THADA: variants seen among roughly 807,000 people sequenced by gnomAD.
The protein encoded by THADA is THADA armadillo repeat containing, also known as tRNA (32-2'-O)-methyltransferase regulator THADA.
In THADA, 213 loss-of-function variants were observed where a neutral mutation model predicts 219.8. That is an observed-to-expected ratio of 0.97 (90% CI 0.87 to 1.09). THADA has a LOEUF of 1.09. Among genes scored for constraint, THADA ranks in the 50% least tolerant of loss-of-function variants. THADA has a pLI of 0.00. For missense variants in THADA, 2,956 were observed against 2,311.3 expected, an observed-to-expected ratio of 1.28 and a Z score of -5.72; for synonymous variants, 1,018 against 828.9, an observed-to-expected ratio of 1.23 and a Z score of -3.92.
At chr2:43,388,132 T>A (rs527567690) in intron 29 of THADA, among the ~76,000 whole-genome samples, 1 of 152,318 alleles carries the variant, frequency 6.6e-6, no homozygotes, top group South Asian at 2.1e-4. Context: ...AGGTCTTACT[T>A]TTGGCCTATT....
chr2:43,580,468 A>T (rs1361400405), intron 8 of THADA, among the ~76,000 whole-genome samples: 1 of 151,828 alleles, frequency 6.6e-6, no homozygotes, highest in Non-Finnish European at 1.5e-5. Context: ...TTATGTCTTA[A>T]TAAAAGTAAC....
intron 22 of THADA, among the ~76,000 whole-genome samples, chr2:43,517,731 A>G (rs992725536): frequency 2.0e-5 from 3 of 152,176 alleles, no homozygotes; most frequent in South Asian, 4.1e-4. Context: ...ACTAGGGTCC[A>G]TAAATATTAA....
chr2:43,279,801 T>C lies in THADA; in HGVS notation c.5260A>G (p.Thr1754Ala). 2 of 1,553,130 alleles carry C rather than the reference T, an allele frequency of 1.3e-6. No individual in the cohort carries two copies. The highest frequency in any genetic ancestry group is 1.7e-6 in the Non-Finnish European group (2 of 1,147,936). The change falls in exon 36 of 38, where the codon ACT becomes GCT. Residue 1754 changes from threonine (T) to alanine (A), a missense_variant. Thr to Ala is a moderately conservative substitution (Grantham distance 58). Transcript: ENST00000405975. ...CAGGTATTTTCTTGTGACATGGCAG[T>C]TGTCACGGTTTCCGTGGCTGCATCT... The part of the protein sequence containing the change: ...VRDAATETVT[T>A]AMSQENTCQS...
intron 22 of THADA, among the ~76,000 whole-genome samples, chr2:43,513,757 T>G (rs1188489554): frequency 6.6e-6 from 1 of 152,120 alleles, no homozygotes; most frequent in African/African-American, 2.4e-5. Flanking sequence ...GAAATAAATT[T>G]TATATTAAGA....
chr2:43,404,135 C>A (rs147894493), intron 28 of THADA, among the ~76,000 whole-genome samples: 448 of 152,272 alleles, frequency 2.9e-3, no homozygotes, highest in Non-Finnish European at 4.9e-3. Context: ...TGTACTTTTA[C>A]TCCTGTACTC....
At chr2:43,263,082 C>T (rs1671142206) in intron 36 of THADA, among the ~76,000 whole-genome samples, 1 of 152,230 alleles carries the variant, frequency 6.6e-6, no homozygotes, top group African/African-American at 2.4e-5. Context: ...TTCTCCCACC[C>T]TACCCCAACT....
chr2:43,271,207 C>T (rs1672079542), intron 36 of THADA, among the ~76,000 whole-genome samples: 1 of 152,224 alleles, frequency 6.6e-6, no homozygotes, highest in Non-Finnish European at 1.5e-5. Flanking sequence ...TCAAGAAATT[C>T]CATCCTGCAT....
intron 26 of THADA, among the ~76,000 whole-genome samples, chr2:43,475,721 T>A (rs1307683420): frequency 6.6e-6 from 1 of 152,220 alleles, no homozygotes; most frequent in Non-Finnish European, 1.5e-5. Context: ...ACACACTTTG[T>A]TCCTGGGTGA....
chr2:43,424,536 A>T (rs2104800682), intron 28 of THADA, among the ~76,000 whole-genome samples: 1 of 152,298 alleles, frequency 6.6e-6, no homozygotes, highest in South Asian at 2.1e-4. Flanking sequence ...CCACAATCAG[A>T]ACCACAAGCA....
intron 28 of THADA, among the ~76,000 whole-genome samples, chr2:43,404,549 C>T (rs1675301109): frequency 6.6e-6 from 1 of 151,964 alleles, no homozygotes; most frequent in African/African-American, 2.4e-5. Flanking sequence ...TGATCAGAAT[C>T]AATCACTTCC....
intron 36 of THADA, among the ~76,000 whole-genome samples, chr2:43,258,933 A>G (rs1389002773): frequency 6.6e-6 from 1 of 152,152 alleles, no homozygotes; most frequent in African/African-American, 2.4e-5. Flanking sequence ...TCACATTGGG[A>G]CTATGGGTAA....
At chr2:43,465,339 AC>A (rs1684109188) in intron 26 of THADA, among the ~76,000 whole-genome samples, 1 of 152,226 alleles carries the variant, frequency 6.6e-6, no homozygotes, top group Non-Finnish European at 1.5e-5. Context: ...TAAGGACTTA[AC>A]ACTCCAAAAC....
chr2:43,241,206 A>C (rs565600668), intron 36 of THADA, among the ~76,000 whole-genome samples: 90 of 151,976 alleles, frequency 5.9e-4, no homozygotes, highest in African/African-American at 2.1e-3. Flanking sequence ...CTCCCACCTC[A>C]GCCTCCCTGG....
chr2:43,460,693 G>A (rs946233531), intron 26 of THADA, among the ~76,000 whole-genome samples: 15 of 152,158 alleles, frequency 9.9e-5, no homozygotes, highest in African/African-American at 3.4e-4. Context: ...AGACAGAAAT[G>A]AATGGGAAAA....
intron 31 of THADA, among the ~76,000 whole-genome samples, chr2:43,294,791 G>C (rs1675166746): frequency 6.6e-6 from 1 of 151,940 alleles, no homozygotes; most frequent in Non-Finnish European, 1.5e-5. Context: ...GTGGGTTTAA[G>C]AAACGCTGAA....
chr2:43,414,308 C>G (rs985059422), intron 28 of THADA, among the ~76,000 whole-genome samples: 1 of 152,132 alleles, frequency 6.6e-6, no homozygotes, highest in Non-Finnish European at 1.5e-5. Flanking sequence ...GTACATTTAC[C>G]AAGAAGCTTT....
chr2:43,572,882 T>C lies in THADA; in HGVS notation c.1840A>G (p.Thr614Ala), dbSNP rs775122260. The change falls in exon 12 of 38, where the codon ACT becomes GCT. Residue 614 changes from threonine to alanine, a missense_variant. Thr to Ala is a moderately conservative substitution (Grantham distance 58, BLOSUM62 0). Transcript: ENST00000405975. ...GACACGAGGTTCTCCCAGGTATCAGTTGCAGACTGAAGATGTCCATGAGCT... is the reference window on the plus strand; with the variant it reads ...GACACGAGGTTCTCCCAGGTATCAGCTGCAGACTGAAGATGTCCATGAGCT... ...ARAHGHLQSA[T>A]DTWENLVSDA... 2.6e-5 allele frequency: 42 copies of C among 1,613,868 alleles called. No homozygotes were observed. The highest frequency in any genetic ancestry group is 3.3e-5 in the Admixed American group (2 of 59,996).
At chr2:43,376,672 G>A (rs1214870485) in intron 29 of THADA, among the ~76,000 whole-genome samples, 1 of 152,122 alleles carries the variant, frequency 6.6e-6, no homozygotes, top group African/African-American at 2.4e-5. Context: ...ACATTCAGAA[G>A]GGCTTCGCAG....
intron 29 of THADA, among the ~76,000 whole-genome samples, chr2:43,365,115 G>C (rs538622897): frequency 6.6e-6 from 1 of 151,926 alleles, no homozygotes; most frequent in African/African-American, 2.4e-5. Context: ...AGTAGAGATG[G>C]GGTTTCACCA....
Sources: gnomAD v4.1 joint callset for allele counts (sites outside exome capture counted in the v4.1 genomes callset) on GRCh38, gnomAD v4.1.1 for gene constraint, MANE v1.5 for transcripts, NCBI Gene and HGNC (gene_info 2026-07-23, HGNC 2026-07-21) for gene names.